The following P3H1 variants were observed in gnomAD, a reference collection of about 807,000 sequenced individuals.
The protein encoded by P3H1 is growth suppressor 1.
A neutral mutation model predicts 84.0 loss-of-function variants in P3H1; 69 were observed. That is an observed-to-expected ratio of 0.82 (90% confidence interval 0.68 to 1.00). The LOEUF (loss-of-function observed/expected upper bound fraction) is 1.00. Among genes scored for constraint, P3H1 ranks in the 50% least tolerant of loss-of-function variants. P3H1 has a pLI of 0.00. For missense variants in P3H1, 878 were observed against 962.8 expected, an observed-to-expected ratio of 0.91 and a Z score of 1.17; for synonymous variants, 366 against 388.8, an observed-to-expected ratio of 0.94 and a Z score of 0.69.
intron 8 of P3H1, among the ~76,000 whole-genome samples, chr1:42,753,656 C>T (rs1349031593): frequency 6.6e-6 from 1 of 152,178 alleles, no homozygotes; most frequent in East Asian, 1.9e-4. Context: ...GGCACAGTGG[C>T]TTATGCCTAT....
rs758131023 is a variant in P3H1 at position 42,750,200 on chromosome 1, C to T, written c.1706G>A (p.Arg569His). 9.3e-6 allele frequency: 15 copies of T among 1,612,474 alleles called. 1 individual carries two copies. In the South Asian group the frequency reaches 9.9e-5, roughly 11 times the overall value. The stretch of plus-strand genomic sequence containing the variant: ...ATGAGGCCCACCTTCGATGGCAGTG[C>T]GGCACACCAGATGAGAGTAGGAAAA... ...LYFSYSHLVC[R>H]TAIEEVQAER... The change falls in exon 11 of 15, where the codon CGC (arginine) becomes CAC (histidine). Residue 569 changes from arginine (R) to histidine (H), a missense_variant. Transcript: ENST00000296388.
Position 42,762,494 on chromosome 1 carries a change from A to G in P3H1, c.466-19T>C. 6.2e-7 allele frequency: 1 copy of G among 1,613,524 alleles called. No homozygotes were observed. The highest frequency in any genetic ancestry group is 8.5e-7 in the Non-Finnish European group (1 of 1,179,500). On this transcript the variant is annotated intron_variant, in intron 1 of 14. Transcript: ENST00000296388. The stretch of plus-strand genomic sequence containing the variant: ...TGTTGATCTAAGAATGAAGCATGAG[A>G]AGGTGGATAATGCTCACATCCAATC...
intron 5 of P3H1, among the ~76,000 whole-genome samples, chr1:42,757,521 G>A (rs957306212): frequency 2.6e-5 from 4 of 152,140 alleles, no homozygotes; most frequent in Non-Finnish European, 4.4e-5. Context: ...TATGCTCACC[G>A]CGCAGTTCTG....
chr1:42,750,329 T>C lies in P3H1; in HGVS notation c.1577A>G (p.Gln526Arg). The C allele has an allele frequency of 3.1e-6, 5 of 1,614,034 alleles. No individual in the cohort carries two copies. The highest frequency in any genetic ancestry group is 4.2e-6 in the Non-Finnish European group (5 of 1,179,998). The part of the protein sequence containing the change: ...VTVFKALKLG[Q>R]EGKVPLQSAH... ...ACTCTGCAGAGGAACTTTGCCTTCTTGCCCCAGCTGCCAAGGAGACAGATG... is the reference window on the plus strand; with the variant it reads ...ACTCTGCAGAGGAACTTTGCCTTCTCGCCCCAGCTGCCAAGGAGACAGATG... The change falls in exon 11 of 15, where the codon CAA becomes CGA. Residue 526 changes from glutamine (Q) to arginine (R), a missense_variant. Gln to Arg is a conservative substitution (Grantham distance 43). Transcript: ENST00000296388.
intron 12 of P3H1, 29 bp from the exon 13 acceptor site, chr1:42,747,827 G>A: frequency 1.3e-6 from 2 of 1,599,986 alleles, no homozygotes; most frequent in Non-Finnish European, 1.7e-6. Flanking sequence ...TCTCATCATG[G>A]CCCTTCCCTG....
chr1:42,765,368 T>C (rs1054130221), intron 1 of P3H1, among the ~76,000 whole-genome samples: 22 of 152,232 alleles, frequency 1.4e-4, no homozygotes, highest in African/African-American at 5.1e-4. Context: ...CCCGCAGCCC[T>C]AAGTATATGC....
intron 11 of P3H1, among the ~76,000 whole-genome samples, chr1:42,749,567 A>G (rs1249546835): frequency 6.6e-6 from 1 of 152,222 alleles, no homozygotes; most frequent in Non-Finnish European, 1.5e-5. Flanking sequence ...CCACATAGCT[A>G]TGGTTGAGCT....
At chr1:42,751,584 T>TA (rs71497581) in intron 10 of P3H1, 8,630 of 147,964 alleles carry the variant, frequency 0.058, 368 homozygotes, top group South Asian at 0.092. Context: ...AATAAATAAA[T>TA]AAATAAATAA....
At chr1:42,750,157 G>A (rs1163332138) in intron 11 of P3H1, 29 bp downstream of exon 11, 2 of 1,607,396 alleles carry the variant, frequency 1.2e-6, no homozygotes, top group South Asian at 2.2e-5. Flanking sequence ...GCATGCGGGG[G>A]CGGGTGCTGC....
Position 42,750,255 on chromosome 1 carries a change from A to T in P3H1, c.1651T>A (p.Ser551Thr). The change falls in exon 11 of 15, where the codon TCC becomes ACC. Residue 551 changes from serine to threonine, a missense_variant. By Grantham distance (58) the Ser-to-Thr change is moderately conservative (BLOSUM62 1). Coordinates refer to ENST00000296388, the MANE Select transcript of P3H1 (RefSeq NM_022356.4). Reference sequence around the variant, plus strand: ...AGGGGCGTATCCAGGCGGAAGTAGGACTCCATGATGCGCCGCACCTTCTCC... The same window carrying T: ...AGGGGCGTATCCAGGCGGAAGTAGGTCTCCATGATGCGCCGCACCTTCTCC... ...VTEKVRRIME[S>T]YFRLDTPLYF... The T allele has an allele frequency of 6.2e-7, 1 of 1,613,522 alleles. No individual in the cohort carries two copies.
intron 1 of P3H1, 55 bp from the exon 2 acceptor site, chr1:42,762,530 T>G: frequency 6.3e-7 from 1 of 1,586,464 alleles, no homozygotes. Context: ...TCTGAACGTT[T>G]GTGTCCACAT....
intron 1 of P3H1, 107 bp downstream of exon 1, chr1:42,766,400 T>C: frequency 9.6e-7 from 1 of 1,042,322 alleles, no homozygotes; most frequent in Non-Finnish European, 1.4e-6. Context: ...GGAGGCCACT[T>C]TCCCCTCCCT....
In P3H1 at chr1:42,755,159, C is replaced by G; in HGVS notation, c.1223+6G>C. On this transcript the variant is annotated splice_donor_region_variant and intron_variant, in intron 7 of 14. Coordinates refer to ENST00000296388, the MANE Select transcript of P3H1 (RefSeq NM_022356.4). ...TCCAACCATGCAGTTTCTTCAAGGT[C>G]CTCACTTCTGTTTCTCTTGCAATCT... 8 of 1,614,046 alleles carry G rather than the reference C, an allele frequency of 5.0e-6. No homozygotes were observed. Among genetic ancestry groups the G allele is most frequent in the Non-Finnish European group, 6.8e-6 (8 of 1,179,908 alleles).
chr1:42,753,240 T>A (rs1338670956), intron 8 of P3H1, among the ~76,000 whole-genome samples: 1 of 152,212 alleles, frequency 6.6e-6, no homozygotes, highest in East Asian at 1.9e-4. Flanking sequence ...ATGACTCACC[T>A]CTCAGTTATA....
Position 42,766,672 on chromosome 1 carries a change from G to T in P3H1, c.300C>A (p.Gly100=). ...DWSPSPAQAS[G]AAALRDLSFF... ...AGCTCAGGTCGCGCAGGGCGGCGGC[G>T]CCCGAGGCCTGGGCCGGGCTGGGGG... The change falls in exon 1 of 15, where the codon GGC becomes GGA. Residue 100 remains glycine, a synonymous_variant. Transcript: ENST00000296388. 1 of 1,528,874 alleles carries T rather than the reference G, an allele frequency of 6.5e-7. No homozygotes were observed. The highest frequency in any genetic ancestry group is 8.8e-7 in the Non-Finnish European group (1 of 1,139,486). The allele number at this position is 1,528,874 out of a possible 1,614,324, so 94.7% of individuals were successfully genotyped here. A position where few individuals can be genotyped will look rare whatever the true frequency, so the allele number is the denominator to read the frequency against.
At chr1:42,748,103 G>C (rs1651832535) in intron 12 of P3H1, 97 bp downstream of exon 12, 1 of 868,860 alleles carries the variant, frequency 1.2e-6, no homozygotes, top group Non-Finnish European at 1.9e-6. Context: ...GCCCCAACCA[G>C]TGTGTGTGTG....
chr1:42,752,628 A>G lies in P3H1; in HGVS notation c.1382T>C (p.Met461Thr), dbSNP rs1353403223. The change falls in exon 9 of 15, where the codon ATG becomes ACG. Residue 461 changes from methionine (M) to threonine (T), a missense_variant. Physicochemically the swap from Met to Thr is moderately conservative, Grantham distance 81 (BLOSUM62 -1). Transcript: ENST00000296388. ...GGAACCATTCAGGAGTTTGGAGTTC[A>G]TGGTGAGACTGATGCCTTCATACAG... ...PLLYEGISLT[M>T]NSKLLNGSQR... The G allele has an allele frequency of 1.2e-6, 2 of 1,614,076 alleles. No homozygotes were observed. The highest frequency in any genetic ancestry group is 2.7e-5 in the African/African-American group (2 of 74,916).
Position 42,748,216 on chromosome 1 carries a change from T to C in P3H1, c.1822A>G (p.Thr608Ala). The change falls in exon 12 of 15, where the codon ACC becomes GCC. Residue 608 changes from threonine to alanine, a missense_variant. By Grantham distance (58) the Thr-to-Ala change is moderately conservative. Transcript: ENST00000296388. ...LVCVKEPPAY[T>A]FRDYSAILYL... Reference sequence around the variant, plus strand: ...CGCACTCACCTGTAGTCGCGGAAGGTGTAGGCTGGGGGCTCTTTGACACAC... The same window carrying C: ...CGCACTCACCTGTAGTCGCGGAAGGCGTAGGCTGGGGGCTCTTTGACACAC... The C allele has an allele frequency of 6.2e-7, 1 of 1,613,602 alleles. No individual in the cohort carries two copies. The highest frequency in any genetic ancestry group is 8.5e-7 in the Non-Finnish European group (1 of 1,179,878).
At position 42,754,708 on chromosome 1, in the gene P3H1, G is replaced by A. The variant is rs777260640; in HGVS notation, c.1345+161C>T. Among the ~76,000 whole-genome samples, 6 of 152,084 alleles carry A rather than the reference G, an allele frequency of 3.9e-5. No individual in the cohort carries two copies. Among genetic ancestry groups the A allele is most frequent in the Non-Finnish European group, 8.8e-5 (6 of 68,018 alleles). ...AGTGCTCTTTCCAGCTGAAAGTCCC[G>A]CTGGTGAGTTAGGAAGGATGTCCAC... On this transcript the variant is annotated intron_variant, in intron 8 of 14. Coordinates refer to ENST00000296388, the MANE Select transcript of P3H1 (RefSeq NM_022356.4). This position sits in a 1 kb window ranked among gnomAD's most constrained non-coding sequence, Gnocchi z 4.0.
Sources: allele counts gnomAD v4.1 joint callset (sites outside exome capture counted in the v4.1 genomes callset), GRCh38; gene constraint gnomAD v4.1.1; non-coding constraint Gnocchi (gnomAD v3.1); transcripts MANE v1.5; gene names NCBI Gene and HGNC (gene_info 2026-07-23, HGNC 2026-07-21).